The following ZNF90 variants were observed in gnomAD, a reference collection of about 807,000 sequenced individuals.
ZNF90 encodes the protein zinc finger protein 90.
A neutral mutation model predicts 12.0 loss-of-function variants in ZNF90; 11 were observed. That is an observed-to-expected ratio of 0.92 (90% CI 0.58 to 1.52). The LOEUF is 1.52. Among genes scored for constraint, ZNF90 ranks in the 40% most tolerant of loss-of-function variants. The pLI, the probability that ZNF90 is intolerant of heterozygous loss-of-function variation, is 0.00. For synonymous variants in ZNF90, 232 were observed against 240.1 expected, an observed-to-expected ratio of 0.97 and a Z score of 0.31; for missense variants, 765 against 711.5, an observed-to-expected ratio of 1.08 and a Z score of -0.86.
chr19:20,084,009 G>C (rs1568281975), intron 1 of ZNF90, among the ~76,000 whole-genome samples: 1 of 152,056 alleles, frequency 6.6e-6, no homozygotes, highest in Admixed American at 6.5e-5. Flanking sequence ...AACTGCCTTG[G>C]CCTCCCAAAA....
intron 2 of ZNF90, 56 bp from the exon 3 acceptor site, chr19:20,105,165 A>C: frequency 7.2e-7 from 1 of 1,379,994 alleles, no homozygotes; most frequent in Non-Finnish European, 1.0e-6. Flanking sequence ...GCACAGTACT[A>C]GCTTGTAATT....
At chr19:20,103,907 TTC>T (rs2089009366) in intron 1 of ZNF90, among the ~76,000 whole-genome samples, 1 of 152,224 alleles carries the variant, frequency 6.6e-6, no homozygotes, top group Non-Finnish European at 1.5e-5. Context: ...ACCGTGTCTT[TTC>T]TGTCTGAAAA....
rs1195570663 is a variant in ZNF90, at chr19:20,105,218, C to T, written c.131-3C>T. ...TTCATGTTATTTATTTTTAATAAAA[C>T]AGGTATTGTTGTCACTAAGCCAGAC... On this transcript the variant is annotated splice_region_variant and splice_polypyrimidine_tract_variant and intron_variant, in intron 2 of 3. Transcript: ENST00000418063. 7 of 1,593,968 alleles carry T rather than the reference C, an allele frequency of 4.4e-6. No individual in the cohort carries two copies. The highest frequency in any genetic ancestry group is 4.1e-5 in the African/African-American group (3 of 73,992).
chr19:20,097,518 C>T (rs923540598), intron 1 of ZNF90, among the ~76,000 whole-genome samples: 19 of 152,312 alleles, frequency 1.2e-4, no homozygotes, highest in East Asian at 3.9e-4. Flanking sequence ...AGACCTGAAA[C>T]GGATTCAGAG....
chr19:20,110,295 T>C (rs538475551), intron 3 of ZNF90, among the ~76,000 whole-genome samples: 28 of 152,216 alleles, frequency 1.8e-4, no homozygotes, highest in Non-Finnish European at 1.9e-4. Flanking sequence ...TTTATTTTTT[T>C]TGAGATGGAG....
chr19:20,087,465 A>G (rs2088867883), intron 1 of ZNF90: 1 of 152,168 alleles, frequency 6.6e-6, no homozygotes, highest in South Asian at 2.1e-4. Context: ...CCTTGTCACC[A>G]TTATAAGTAG....
At chr19:20,107,261 C>CA (rs1363724227) in intron 3 of ZNF90, among the ~76,000 whole-genome samples, 2 of 152,180 alleles carry the variant, frequency 1.3e-5, no homozygotes, top group Non-Finnish European at 2.9e-5. Context: ...GAACCTCAGC[C>CA]AGACTGTGGC....
chr19:20,104,146 CTCT>C, intron 1 of ZNF90, 90 bp from the exon 2 acceptor site: 6 of 1,564,014 alleles, frequency 3.8e-6, no homozygotes, highest in Admixed American at 1.8e-5. Context: ...AGAACCAATT[CTCT>C]TTACTCTCCA....
chr19:20,116,497 C>T (rs2089138376), intron 3 of ZNF90, among the ~76,000 whole-genome samples: 1 of 152,176 alleles, frequency 6.6e-6, no homozygotes, highest in African/African-American at 2.4e-5. Context: ...TTAAAAATTA[C>T]TTTATATGCT....
chr19:20,114,575 A>G (rs1352563453), intron 3 of ZNF90, among the ~76,000 whole-genome samples: 1 of 152,116 alleles, frequency 6.6e-6, no homozygotes, highest in Non-Finnish European at 1.5e-5. Flanking sequence ...TCATTTCTAT[A>G]TATTTGTACA....
chr19:20,096,375 G>C (rs1555703283), intron 1 of ZNF90, among the ~76,000 whole-genome samples: 1 of 152,160 alleles, frequency 6.6e-6, no homozygotes. Context: ...AACAGGCTTT[G>C]TGTGAGCAAT....
Position 20,080,187 on chromosome 19 carries a change from C to G in ZNF90, c.3+2052C>G, listed in dbSNP as rs774820074. 5.8e-4 allele frequency: 297 copies of G among 508,374 alleles called. 1 individual carries two copies. Among genetic ancestry groups the G allele is most frequent in the Non-Finnish European group, 7.1e-4 (184 of 259,822 alleles). 31.5% of individuals were successfully genotyped at this position (508,374 alleles called of 1,614,324 possible). ...AGCAAGAATTGCTGCCCAGGGGCAGCACATAATGGGACTAGTACCACCGTC... is the reference window on the plus strand; with the variant it reads ...AGCAAGAATTGCTGCCCAGGGGCAGGACATAATGGGACTAGTACCACCGTC... On this transcript the variant is annotated intron_variant, in intron 1 of 3. Transcript: ENST00000418063.
chr19:20,079,045 G>A (rs1183906105), intron 1 of ZNF90, among the ~76,000 whole-genome samples: 1 of 151,586 alleles, frequency 6.6e-6, no homozygotes, highest in African/African-American at 2.4e-5. Flanking sequence ...CTTGAACTCG[G>A]GAGGCAGAGG....
chr19:20,097,004 A>G (rs1015128527), intron 1 of ZNF90, among the ~76,000 whole-genome samples: 1 of 152,222 alleles, frequency 6.6e-6, no homozygotes, highest in African/African-American at 2.4e-5. Context: ...TAGCATACAC[A>G]CATGGCCTCG....
At chr19:20,110,693 C>T (rs182842267) in intron 3 of ZNF90, among the ~76,000 whole-genome samples, 2 of 152,166 alleles carry the variant, frequency 1.3e-5, no homozygotes, top group African/African-American at 2.4e-5. Context: ...TCAAGAGATT[C>T]GATGTTTTCT....
At chr19:20,080,379 T>C in intron 1 of ZNF90, 1 of 428,788 alleles carries the variant, frequency 2.3e-6, no homozygotes, top group Non-Finnish European at 4.6e-6. Flanking sequence ...GGCACCGTAT[T>C]TCTTCTTACC....
intron 3 of ZNF90, among the ~76,000 whole-genome samples, chr19:20,111,738 A>C: frequency 6.6e-6 from 1 of 152,182 alleles, no homozygotes; most frequent in East Asian, 1.9e-4. Context: ...ATACATCTTA[A>C]AGTTAAAACT....
chr19:20,081,097 AT>A (rs2088816720), intron 1 of ZNF90, among the ~76,000 whole-genome samples: 1 of 152,110 alleles, frequency 6.6e-6, no homozygotes, highest in South Asian at 2.1e-4. Context: ...CCACAATAGG[AT>A]TCCCACCTAC....
intron 1 of ZNF90, among the ~76,000 whole-genome samples, chr19:20,094,653 G>T (rs1017084074): frequency 6.6e-6 from 1 of 152,098 alleles, no homozygotes; most frequent in Non-Finnish European, 1.5e-5. Context: ...TGAAGCCGGC[G>T]GTTATCAGCA....
Sources: gnomAD v4.1 joint callset for allele counts (sites outside exome capture counted in the v4.1 genomes callset) on GRCh38, gnomAD v4.1.1 for gene constraint, MANE v1.5 for transcripts, NCBI Gene and HGNC (gene_info 2026-07-23, HGNC 2026-07-21) for gene names.